Variants in NBPF11 observed in about 807,000 individuals in gnomAD.
NBPF11 encodes NBPF family member NBPF11.
A neutral mutation model predicts 93.9 loss-of-function variants in NBPF11; 72 were observed. The observed-to-expected ratio is 0.77, with a 90% CI of 0.63 to 0.93. The LOEUF (loss-of-function observed/expected upper bound fraction) is 0.93. NBPF11 is among the 40% of genes least tolerant of loss of function. The pLI is 0.00. For missense variants in NBPF11, 705 were observed against 802.2 expected (o/e 0.88, Z 1.46); for synonymous variants, 224 against 304.9 (o/e 0.73, Z 2.76).
intron 15 of NBPF11, 143 bp downstream of exon 15, chr1:148,114,294 T>G (rs1364101605): frequency 9.5e-6 from 7 of 733,930 alleles, no homozygotes; most frequent in African/African-American, 5.2e-5. Context: ...GTGCCACAAA[T>G]GACATACAAC....
Position 148,120,725 on chromosome 1 carries a change from G to C in NBPF11, c.779-15C>G, listed in dbSNP as rs1189620932. 2.5e-5 allele frequency: 37 copies of C among 1,481,136 alleles called. No individual in the cohort carries two copies. Among genetic ancestry groups the C allele is most frequent in the East Asian group, 1.6e-4 (7 of 44,158 alleles). The allele number at this position is 1,481,136 out of a possible 1,614,324, so 91.7% of individuals were successfully genotyped here. A position where few individuals can be genotyped will look rare whatever the true frequency, so the allele number is the denominator to read the frequency against. On this transcript the variant is annotated splice_polypyrimidine_tract_variant and intron_variant, in intron 9 of 23. Coordinates refer to ENST00000682118, the MANE Select transcript of NBPF11 (RefSeq NM_001385469.3). Reference sequence around the variant, plus strand: ...GGGGCCAGGGACTGGGGAGAAGAAAGGCAAACATATGATGGGTTAAAAACT... The same window carrying C: ...GGGGCCAGGGACTGGGGAGAAGAAACGCAAACATATGATGGGTTAAAAACT...
In NBPF11 at chr1:148,136,736, T is replaced by C. The variant is rs1281652740; in HGVS notation, c.-177-923A>G. 3.2e-4 allele frequency among the ~76,000 whole-genome samples: 48 copies of C among 151,912 alleles called. 1 individual carries two copies. Among genetic ancestry groups the C allele is most frequent in the African/African-American group, 1.0e-3 (43 of 41,168 alleles). On this transcript the variant is annotated intron_variant, in intron 3 of 23. Transcript: ENST00000682118. ...ACTAGAATCACTGTAGTTGTTATTC[T>C]ATGCCTGTCCCATCATTTCACATTA...
rs1312695969 is a variant in NBPF11, at chr1:148,136,403, G to A, written c.-177-590C>T. On this transcript the variant is annotated intron_variant, in intron 3 of 23. Coordinates refer to ENST00000682118, the MANE Select transcript of NBPF11 (RefSeq NM_001385469.3). ...TTCAAATATCTATCAATACAAGAATGTGATACATTCATTCCATGGAATGGC... is the reference window on the plus strand; with the variant it reads ...TTCAAATATCTATCAATACAAGAATATGATACATTCATTCCATGGAATGGC... Among the ~76,000 whole-genome samples the A allele has an allele frequency of 3.2e-3, 487 of 151,894 alleles. 10 individuals are homozygous for A. The highest frequency in any genetic ancestry group is 0.011 in the African/African-American group (456 of 41,222).
In NBPF11 at chr1:148,122,626, G is replaced by A; in HGVS notation, c.566+103C>T. 5 of 1,518,388 alleles carry A rather than the reference G, an allele frequency of 3.3e-6. 1 individual carries two copies. The highest frequency in any genetic ancestry group is 2.8e-5 in the African/African-American group (2 of 72,410). 94.1% of individuals were successfully genotyped at this position (1,518,388 alleles called of 1,614,324 possible). A position where few individuals can be genotyped will look rare whatever the true frequency, so the allele number is the denominator to read the frequency against. ...TTGAATTTCACATACTGTGGCCAAG[G>A]GAATGCGGGCTTTTGGCCCATCATA... On this transcript the variant is annotated intron_variant, in intron 8 of 23. Coordinates refer to ENST00000682118, the MANE Select transcript of NBPF11 (RefSeq NM_001385469.3).
intron 23 of NBPF11, 31 bp downstream of exon 23, chr1:148,104,506 G>T: frequency 1.7e-6 from 1 of 586,600 alleles, no homozygotes; most frequent in Non-Finnish European, 3.0e-6. Flanking sequence ...TGTTAACACA[G>T]AATTAAGCAT....
intron 15 of NBPF11, among the ~76,000 whole-genome samples, chr1:148,113,127 C>T (rs1333861248): frequency 6.6e-6 from 1 of 151,982 alleles, no homozygotes; most frequent in Non-Finnish European, 1.5e-5. Flanking sequence ...CCATATTAAC[C>T]TTAAATGTAA....
At chr1:148,150,157 T>A (rs1647927180) in intron 1 of NBPF11, among the ~76,000 whole-genome samples, 1 of 150,424 alleles carries the variant, frequency 6.6e-6, no homozygotes, top group Non-Finnish European at 1.5e-5. Context: ...CCTGTACTTT[T>A]TTTTTTTTTT....
intron 11 of NBPF11, among the ~76,000 whole-genome samples, chr1:148,118,146 A>G (rs1361311196): frequency 6.9e-6 from 1 of 145,776 alleles, no homozygotes; most frequent in Non-Finnish European, 1.5e-5. Context: ...ATTAGATACA[A>G]AGCCATGTAC....
chr1:148,146,289 C>T (rs1207155269), intron 1 of NBPF11: 1 of 1,333,164 alleles, frequency 7.5e-7, no homozygotes, highest in South Asian at 1.8e-5. Flanking sequence ...GGGCGCTCTC[C>T]CCCCTGCCCG....
chr1:148,145,102 G>GAAA (rs1288214652), intron 1 of NBPF11, among the ~76,000 whole-genome samples: 64 of 136,088 alleles, frequency 4.7e-4, no homozygotes, highest in African/African-American at 1.7e-3. Context: ...GACCCTGTCT[G>GAAA]AAAAAAAAAA....
chr1:148,148,457 C>T (rs1259974930), intron 1 of NBPF11, among the ~76,000 whole-genome samples: 10 of 152,032 alleles, frequency 6.6e-5, no homozygotes, highest in African/African-American at 1.9e-4. Flanking sequence ...GGTCAGGGGC[C>T]GCACACCAAT....
At position 148,135,815 on chromosome 1, in the gene NBPF11, T is replaced by C; in HGVS notation, c.-177-2A>G. 1.5e-6 allele frequency: 1 copy of C among 653,734 alleles called. No individual in the cohort carries two copies. The highest frequency in any genetic ancestry group is 2.7e-6 in the Non-Finnish European group (1 of 371,242). 40.5% of individuals were successfully genotyped at this position (653,734 alleles called of 1,614,324 possible). A position where few individuals can be genotyped will look rare whatever the true frequency, so the allele number is the denominator to read the frequency against. On this transcript the variant is annotated splice_acceptor_variant, in intron 3 of 23. Coordinates refer to ENST00000682118, the MANE Select transcript of NBPF11 (RefSeq NM_001385469.3). LOFTEE classifies it low-confidence loss of function (5UTR_SPLICE). ...TTTGACCATCCTTATCTTCAAGGGC[T>C]ACCAAGAAGAAACAAATAATTTATT... is the stretch of plus-strand genomic sequence containing the variant.
At position 148,124,041 on chromosome 1, in the gene NBPF11, TGA is replaced by T. The variant is rs1224597076; in HGVS notation, c.303_304del (p.Gln102GlyfsTer23). Reference sequence around the variant, plus strand: ...CCTTAACTGGGTCAGCTCTCGTTCCTGAGAGTGAACCAGGACTTTATATTGCC... The same window carrying T: ...CCTTAACTGGGTCAGCTCTCGTTCCTGAGTGAACCAGGACTTTATATTGCC... On this transcript the variant is annotated frameshift_variant, in exon 7 of 24. Coordinates refer to ENST00000682118, the MANE Select transcript of NBPF11 (RefSeq NM_001385469.3). LOFTEE classifies it high-confidence loss of function. 6.3e-7 allele frequency: 1 copy of T among 1,589,448 alleles called. No individual in the cohort carries two copies. Among genetic ancestry groups the T allele is most frequent in the African/African-American group, 1.3e-5 (1 of 74,122 alleles).
At chr1:148,145,980 A>G (rs1340822896) in intron 1 of NBPF11, among the ~76,000 whole-genome samples, 2 of 152,108 alleles carry the variant, frequency 1.3e-5, no homozygotes, top group Non-Finnish European at 2.9e-5. Flanking sequence ...CAATCCATAT[A>G]TATCCTAGAA....
intron 2 of NBPF11, among the ~76,000 whole-genome samples, chr1:148,141,050 T>C (rs1293385876): frequency 2.0e-5 from 3 of 151,962 alleles, no homozygotes; most frequent in Non-Finnish European, 4.4e-5. Context: ...GAAGCCAGTC[T>C]GGAAACCTAC....
At position 148,113,360 on chromosome 1, in the gene NBPF11, A is replaced by T. The variant is rs1160814903; in HGVS notation, c.1637+1077T>A. 1.3e-3 allele frequency among the ~76,000 whole-genome samples: 202 copies of T among 152,032 alleles called. 2 individuals carry two copies. The highest frequency in any genetic ancestry group is 4.7e-4 in the Non-Finnish European group (32 of 68,032). On this transcript the variant is annotated intron_variant, in intron 15 of 23. Coordinates refer to ENST00000682118, the MANE Select transcript of NBPF11 (RefSeq NM_001385469.3). ...ACAGACTTTAAACCAACAAAGATCA[A>T]AAGAGACAAAGAAGGCCACTACATA...
intron 2 of NBPF11, among the ~76,000 whole-genome samples, chr1:148,138,958 G>A (rs1671770792): frequency 6.6e-6 from 1 of 151,166 alleles, no homozygotes; most frequent in African/African-American, 2.5e-5. Flanking sequence ...AGGTGTGGTG[G>A]CAGGCGCCTG....
Position 148,126,921 on chromosome 1 carries a change from A to T in NBPF11, c.83T>A (p.Leu28Ter). Residue 28 changes from leucine (L) to a stop codon, truncating the protein, a stop_gained, in exon 5 of 24, where the codon TTG becomes TAG. Coordinates refer to ENST00000682118, the MANE Select transcript of NBPF11 (RefSeq NM_001385469.3). LOFTEE classifies it high-confidence loss of function. ...LEINEKLRPQLAENKQQFRNL... is the reference protein window; with the variant it reads ...LEINEKLRPQ ...TCTGAACTGCTGTTTGTTCTCTGCC[A>T]ACTGGGGGCGCAATTTCTCGTTGAT... The T allele has an allele frequency of 8.3e-7, 1 of 1,197,726 alleles. No homozygotes were observed. Among genetic ancestry groups the T allele is most frequent in the South Asian group, 1.2e-5 (1 of 82,214 alleles). 74.2% of individuals were successfully genotyped at this position (1,197,726 alleles called of 1,614,324 possible).
At chr1:148,147,925 C>A (rs6662787) in intron 1 of NBPF11, among the ~76,000 whole-genome samples, 28,419 of 151,908 alleles carry the variant, frequency 0.19, 3,201 homozygotes, top group African/African-American at 0.29. Context: ...TCCTGCTGCC[C>A]CTTTGTCCTG....
Sources: allele counts gnomAD v4.1 joint callset (sites outside exome capture counted in the v4.1 genomes callset), GRCh38; gene constraint gnomAD v4.1.1; transcripts MANE v1.5; gene names NCBI Gene and HGNC (gene_info 2026-07-23, HGNC 2026-07-21).